The following SGIP1 variants were observed in gnomAD, a reference collection of about 807,000 sequenced individuals.
The protein encoded by SGIP1 is SH3-containing GRB2-like protein 3-interacting protein 1.
SGIP1 carries 38 observed loss-of-function variants against 107.5 expected under a neutral mutation model. The ratio of observed to expected loss-of-function variants is 0.35; its 90% CI spans 0.27 to 0.46. SGIP1 has a LOEUF of 0.46. Among genes scored for constraint, SGIP1 ranks in the 20% least tolerant of loss-of-function variants. The pLI, the probability that SGIP1 is intolerant of heterozygous loss-of-function variation, is 1.00. For missense variants in SGIP1, 929 were observed against 1,019.5 expected (o/e 0.91, Z 1.21); for synonymous variants, 365 against 366.1 (o/e 1.00, Z 0.03).
At chr1:66,737,961 A>G (rs1179090808) in intron 21 of SGIP1, among the ~76,000 whole-genome samples, 1 of 151,784 alleles carries the variant, frequency 6.6e-6, no homozygotes, top group Non-Finnish European at 1.5e-5. Context: ...ACATTTTCAT[A>G]TATCCACAAA....
At chr1:66,688,389 G>T (rs1000774773) in intron 15 of SGIP1, among the ~76,000 whole-genome samples, 1 of 152,302 alleles carries the variant, frequency 6.6e-6, no homozygotes, top group African/African-American at 2.4e-5. Context: ...GCCAGCCTCT[G>T]TGTGTCTTCT....
chr1:66,698,270 T>C (rs1171283800), intron 18 of SGIP1, among the ~76,000 whole-genome samples: 1 of 152,226 alleles, frequency 6.6e-6, no homozygotes, highest in African/African-American at 2.4e-5. Flanking sequence ...CCAGTGCTTT[T>C]CTGAATGTTT....
intron 1 of SGIP1, among the ~76,000 whole-genome samples, chr1:66,613,255 T>A (rs543134725): frequency 6.6e-6 from 1 of 152,300 alleles, no homozygotes; most frequent in East Asian, 1.9e-4. Flanking sequence ...GATGTCACTT[T>A]CTTGTCCTTC....
chr1:66,648,903 T>C (rs777389588), intron 7 of SGIP1, among the ~76,000 whole-genome samples: 2 of 152,202 alleles, frequency 1.3e-5, no homozygotes, highest in Non-Finnish European at 2.9e-5. Context: ...CCTCCATTTC[T>C]GCCACTGTAA....
chr1:66,609,702 G>A (rs2067555367), intron 1 of SGIP1, among the ~76,000 whole-genome samples: 1 of 152,222 alleles, frequency 6.6e-6, no homozygotes, highest in Non-Finnish European at 1.5e-5. Flanking sequence ...ACTAGAGCTA[G>A]CCTCTGGTTT....
intron 18 of SGIP1, among the ~76,000 whole-genome samples, chr1:66,710,565 G>A (rs1249802392): frequency 6.6e-6 from 1 of 152,084 alleles, no homozygotes; most frequent in Non-Finnish European, 1.5e-5. Flanking sequence ...TCCTCATTCT[G>A]ATACACTTTT....
At chr1:66,654,354 G>C (rs899453577) in intron 7 of SGIP1, among the ~76,000 whole-genome samples, 4 of 152,026 alleles carry the variant, frequency 2.6e-5, no homozygotes, top group Non-Finnish European at 5.9e-5. Flanking sequence ...GTTCTTTTCT[G>C]TGGGTCCTAG....
rs76926557 is a variant in SGIP1, at chr1:66,599,979, G to A, written c.11-25868G>A. ...TACCATCTTTGTAACCCAGAGGGGC[G>A]GGCAGTATTAAAACCCAAGGTCCAA... On this transcript the variant is annotated intron_variant, in intron 1 of 24. Coordinates refer to ENST00000371037, the MANE Select transcript of SGIP1 (RefSeq NM_032291.4). Among the ~76,000 whole-genome samples, 1,346 of 152,154 alleles carry A rather than the reference G, an allele frequency of 8.8e-3. 15 individuals carry two copies. The highest frequency in any genetic ancestry group is 0.028 in the African/African-American group (1,181 of 41,504).
chr1:66,576,063 G>A (rs1032208747), intron 1 of SGIP1, among the ~76,000 whole-genome samples: 2 of 152,176 alleles, frequency 1.3e-5, no homozygotes, highest in African/African-American at 4.8e-5. Flanking sequence ...ATATATTGCA[G>A]CAAGAGGTCA....
chr1:66,538,013 A>G (rs1270638953), intron 1 of SGIP1, among the ~76,000 whole-genome samples: 1 of 152,166 alleles, frequency 6.6e-6, no homozygotes, highest in Non-Finnish European at 1.5e-5. Context: ...TTTAAATATG[A>G]ATATTGACAG....
chr1:66,646,423 T>G (rs2077677721), intron 7 of SGIP1, among the ~76,000 whole-genome samples: 1 of 152,210 alleles, frequency 6.6e-6, no homozygotes, highest in Admixed American at 6.5e-5. Flanking sequence ...ATGAGGAAAT[T>G]TCAAATAATA....
intron 12 of SGIP1, among the ~76,000 whole-genome samples, chr1:66,674,142 C>T (rs181242522): frequency 0.012 from 1,787 of 151,768 alleles, 37 homozygotes; most frequent in African/African-American, 0.041. Context: ...CACTCCAGCC[C>T]GAGCAGCACA....
chr1:66,715,968 A>C (rs2093216100), intron 18 of SGIP1, among the ~76,000 whole-genome samples: 1 of 152,172 alleles, frequency 6.6e-6, no homozygotes, highest in South Asian at 2.1e-4. Context: ...CTGAGTGCTT[A>C]CTATGGTTCA....
intron 1 of SGIP1, among the ~76,000 whole-genome samples, chr1:66,609,729 G>A (rs2067561065): frequency 6.6e-6 from 1 of 152,204 alleles, no homozygotes; most frequent in Non-Finnish European, 1.5e-5. Context: ...AGTTTCAGAG[G>A]AGAAATATCT....
At chr1:66,544,861 C>A (rs556128506) in intron 1 of SGIP1, among the ~76,000 whole-genome samples, 1 of 152,226 alleles carries the variant, frequency 6.6e-6, no homozygotes, top group East Asian at 1.9e-4. Flanking sequence ...TAGGTAGAAC[C>A]TTACTCCTGT....
In SGIP1 at chr1:66,630,904, A is replaced by AAGGAAGGAAAGAAGGG. The variant is rs1296769118; in HGVS notation, c.75-2163_75-2162insAAGGAAAGAAGGGAGG. Among the ~76,000 whole-genome samples, 3 of 9,288 alleles carry AAGGAAGGAAAGAAGGG rather than the reference A, an allele frequency of 3.2e-4. 1 individual carries two copies. Among genetic ancestry groups the AAGGAAGGAAAGAAGGG allele is most frequent in the Non-Finnish European group, 5.1e-4 (3 of 5,918 alleles). 6.1% of individuals were successfully genotyped at this position (9,288 alleles called of 152,430 possible). A position where few individuals can be genotyped will look rare whatever the true frequency, so the allele number is the denominator to read the frequency against. ...GAAAGAAAGAAAGAAAGAAAGAAAG[A>AAGGAAGGAAAGAAGGG]AGGGAGGGAGGGAGGGAGGAAGGAA... is the stretch of plus-strand genomic sequence containing the variant. On this transcript the variant is annotated intron_variant, in intron 2 of 24. Transcript: ENST00000371037.
chr1:66,681,782 T>C, intron 14 of SGIP1, 87 bp from the exon 15 acceptor site: 3 of 1,388,524 alleles, frequency 2.2e-6, no homozygotes, highest in Non-Finnish European at 3.0e-6. Context: ...CAGACACCAA[T>C]GTATTTTCCA....
Position 66,636,025 on chromosome 1 carries a change from C to G in SGIP1, c.171+10C>G. On this transcript the variant is annotated intron_variant, in intron 4 of 24. Coordinates refer to ENST00000371037, the MANE Select transcript of SGIP1 (RefSeq NM_032291.4). ...AGGAAAAAAAGTTTCGGTAAGGAAA[C>G]AGATTTTAGTTTAAAATTTCCAAAG... is the stretch of plus-strand genomic sequence containing the variant. 1 of 1,612,064 alleles carries G rather than the reference C, an allele frequency of 6.2e-7. No homozygotes were observed. The highest frequency in any genetic ancestry group is 8.5e-7 in the Non-Finnish European group (1 of 1,178,918).
intron 1 of SGIP1, among the ~76,000 whole-genome samples, chr1:66,617,581 A>G (rs1318245210): frequency 1.3e-5 from 2 of 152,194 alleles, no homozygotes; most frequent in East Asian, 1.9e-4. Flanking sequence ...TATTACTGAG[A>G]CCAAATATTT....
Sources: gnomAD v4.1 joint callset for allele counts (sites outside exome capture counted in the v4.1 genomes callset) on GRCh38, gnomAD v4.1.1 for gene constraint, MANE v1.5 for transcripts, NCBI Gene and HGNC (gene_info 2026-07-23, HGNC 2026-07-21) for gene names.